KAZN: variants seen among roughly 807,000 people sequenced by gnomAD.
KAZN encodes the protein kazrin.
In KAZN, 40 loss-of-function variants were observed where a neutral mutation model predicts 87.4. That is an observed-to-expected ratio of 0.46 (90% CI 0.36 to 0.60). The LOEUF is 0.60. Among genes scored for constraint, KAZN ranks in the 20% least tolerant of loss-of-function variants. The pLI, the probability that KAZN is intolerant of heterozygous loss-of-function variation, is 0.00. For synonymous variants in KAZN, 466 were observed against 458.3 expected (o/e 1.02, Z -0.22); for missense variants, 898 against 1,073.9 (o/e 0.84, Z 2.29).
At chr1:14,321,727 TG>T (rs899804142) in intron 2 of KAZN, among the ~76,000 whole-genome samples, 1 of 152,186 alleles carries the variant, frequency 6.6e-6, no homozygotes. Context: ...TGGCAGGTGG[TG>T]GGGCAATATT....
intron 2 of KAZN, among the ~76,000 whole-genome samples, chr1:14,220,272 C>T (rs534033560): frequency 6.6e-6 from 1 of 152,268 alleles, no homozygotes; most frequent in East Asian, 1.9e-4. Context: ...GTCCATCTGT[C>T]ACCACAAAAT....
chr1:14,385,228 G>A (rs945395797), intron 2 of KAZN, among the ~76,000 whole-genome samples: 79 of 151,888 alleles, frequency 5.2e-4, no homozygotes, highest in African/African-American at 1.3e-3. Context: ...TCTTGCTAGC[G>A]GTCTATTAAT....
At chr1:13,997,733 C>A (rs1639591176) in intron 1 of KAZN, among the ~76,000 whole-genome samples, 1 of 151,978 alleles carries the variant, frequency 6.6e-6, no homozygotes, top group African/African-American at 2.4e-5. Context: ...AAAGACCAAA[C>A]CTGTGATTGA....
At chr1:15,040,497 G>A (rs917780160) in intron 3 of KAZN, among the ~76,000 whole-genome samples, 2 of 152,220 alleles carry the variant, frequency 1.3e-5, no homozygotes, top group Admixed American at 1.3e-4. Context: ...CCAGCATGGT[G>A]GCTCATGCCT....
chr1:14,611,705 A>T (rs931978541), intron 1 of KAZN, among the ~76,000 whole-genome samples: 4 of 151,212 alleles, frequency 2.6e-5, no homozygotes, highest in African/African-American at 9.8e-5. Flanking sequence ...AAAAAAAAAA[A>T]TTAAGATTTC....
intron 1 of KAZN, among the ~76,000 whole-genome samples, chr1:14,170,322 T>A (rs940786947): frequency 6.6e-6 from 1 of 152,172 alleles, no homozygotes; most frequent in African/African-American, 2.4e-5. Context: ...CATTACCTAC[T>A]TTTAAACCTG....
At chr1:14,839,596 C>T (rs373383685) in intron 1 of KAZN, among the ~76,000 whole-genome samples, 12 of 152,108 alleles carry the variant, frequency 7.9e-5, no homozygotes, top group East Asian at 3.9e-4. Flanking sequence ...TCTATTCTGA[C>T]GGCATTTGGT....
rs1294944296 is a variant in KAZN, at chr1:14,133,378, AAAGAAAGAAAG to A, written c.92-47054_92-47044del. On this transcript the variant is annotated intron_variant, in intron 1 of 16. Coordinates refer to the KAZN transcript ENST00000636203. ...GAGACTCCCTCTCAAAAAAAAAAAAAAAGAAAGAAAGAAAGAAAGAAAGAAAGAAAGAAAGA... is the reference window on the plus strand; with the variant it reads ...GAGACTCCCTCTCAAAAAAAAAAAAAAAAGAAAGAAAGAAAGAAAGAAAGA... Among the ~76,000 whole-genome samples, 30 of 22,486 alleles carry A rather than the reference AAAGAAAGAAAG, an allele frequency of 1.3e-3. 1 individual carries two copies. Among genetic ancestry groups the A allele is most frequent in the African/African-American group, 4.5e-3 (26 of 5,722 alleles). The allele number at this position is 22,486 out of a possible 152,430, so 14.8% of individuals were successfully genotyped here.
At chr1:15,107,742 C>A (rs1386530030) in intron 13 of KAZN, among the ~76,000 whole-genome samples, 1 of 152,210 alleles carries the variant, frequency 6.6e-6, no homozygotes, top group Non-Finnish European at 1.5e-5. Context: ...CTCTGCAGGG[C>A]AATGGCTGCA....
At chr1:14,960,410 A>G (rs1663697683) in intron 1 of KAZN, among the ~76,000 whole-genome samples, 1 of 152,200 alleles carries the variant, frequency 6.6e-6, no homozygotes, top group African/African-American at 2.4e-5. Context: ...GTCGGCCACC[A>G]GAGCGGACAC....
intron 2 of KAZN, among the ~76,000 whole-genome samples, chr1:14,227,982 T>C (rs926792193): frequency 6.6e-6 from 1 of 152,200 alleles, no homozygotes; most frequent in Non-Finnish European, 1.5e-5. Flanking sequence ...TTAGCAACTT[T>C]GGTCCATGCC....
intron 2 of KAZN, among the ~76,000 whole-genome samples, chr1:14,187,984 G>A (rs1187403603): frequency 6.6e-6 from 1 of 152,160 alleles, no homozygotes; most frequent in Non-Finnish European, 1.5e-5. Flanking sequence ...CACCGGTGAA[G>A]ATGAAAGGAG....
intron 1 of KAZN, among the ~76,000 whole-genome samples, chr1:13,924,262 A>G (rs1640185213): frequency 6.6e-6 from 1 of 152,220 alleles, no homozygotes; most frequent in South Asian, 2.1e-4. Flanking sequence ...AAGATAGAAG[A>G]CTTAGCAGTA....
intron 1 of KAZN, among the ~76,000 whole-genome samples, chr1:14,779,274 G>T (rs1645264411): frequency 6.6e-6 from 1 of 152,130 alleles, no homozygotes; most frequent in Non-Finnish European, 1.5e-5. Context: ...GATTAGTTTG[G>T]CAAACTAGAG....
chr1:14,064,034 G>A (rs1369101889), intron 1 of KAZN, among the ~76,000 whole-genome samples: 3 of 152,134 alleles, frequency 2.0e-5, no homozygotes, highest in Non-Finnish European at 2.9e-5. Flanking sequence ...CTCTGCCTCA[G>A]CCTCCCGAGT....
At chr1:14,398,266 G>A (rs1030809323) in intron 2 of KAZN, among the ~76,000 whole-genome samples, 1 of 152,194 alleles carries the variant, frequency 6.6e-6, no homozygotes, top group African/African-American at 2.4e-5. Context: ...TCCTACAAAC[G>A]AAGTTAGATA....
rs145980872 is a variant in KAZN, at chr1:14,861,926, G to A, written c.227-98758G>A. 1.7e-3 allele frequency among the ~76,000 whole-genome samples: 264 copies of A among 152,300 alleles called. 1 individual carries two copies. The highest frequency in any genetic ancestry group is 6.1e-3 in the African/African-American group (254 of 41,556). On this transcript the variant is annotated intron_variant, in intron 1 of 14. Coordinates refer to ENST00000376030, the MANE Select transcript of KAZN (RefSeq NM_201628.3). ...CCAAGTAATGCTGAAAGGGAGAAACGGGATTGGTGGCATCATTTCAGATCC... is the reference window on the plus strand; with the variant it reads ...CCAAGTAATGCTGAAAGGGAGAAACAGGATTGGTGGCATCATTTCAGATCC...
chr1:14,465,613 C>T (rs1286236484), intron 2 of KAZN, among the ~76,000 whole-genome samples: 34 of 152,010 alleles, frequency 2.2e-4, no homozygotes, highest in Admixed American at 2.2e-3. Context: ...GACCTAGCCT[C>T]AGAAATTGCA....
chr1:14,707,928 A>T (rs1433131073), intron 1 of KAZN, among the ~76,000 whole-genome samples: 1 of 152,182 alleles, frequency 6.6e-6, no homozygotes, highest in African/African-American at 2.4e-5. Context: ...TAAAACACAG[A>T]TCCTTCCTTC....
Sources: gnomAD v4.1 joint callset for allele counts (sites outside exome capture counted in the v4.1 genomes callset) on GRCh38, gnomAD v4.1.1 for gene constraint, MANE v1.5 for transcripts, NCBI Gene and HGNC (gene_info 2026-07-23, HGNC 2026-07-21) for gene names.